Variants in EGFR observed in about 807,000 individuals in gnomAD.
The protein encoded by EGFR is epidermal growth factor receptor.
EGFR carries 58 observed loss-of-function variants against 143.0 expected under a neutral mutation model. The ratio of observed to expected loss-of-function variants is 0.41; its 90% CI spans 0.33 to 0.50. The LOEUF (loss-of-function observed/expected upper bound fraction) is 0.50, where lower values mean the gene tolerates loss of function less well. Ranked by LOEUF, EGFR falls within the 20% of genes least tolerant of loss-of-function variation. The pLI is 0.39. For missense variants in EGFR, 1,307 were observed against 1,579.0 expected, an observed-to-expected ratio of 0.83 and a Z score of 2.92; for synonymous variants, 613 against 594.4, an observed-to-expected ratio of 1.03 and a Z score of -0.45.
Position 55,156,792 on chromosome 7 carries a change from A to G in EGFR, c.1167A>G (p.Pro389=), listed in dbSNP as rs777959179. 14 of 1,614,122 alleles carry G rather than the reference A, an allele frequency of 8.7e-6. No individual in the cohort carries two copies. Among genetic ancestry groups the G allele is most frequent in the Admixed American group, 1.7e-5 (1 of 60,010 alleles). ...TCACACATACTCCTCCTCTGGATCCACAGGAACTGGATATTCTGAAAACCG... is the reference window on the plus strand; with the variant it reads ...TCACACATACTCCTCCTCTGGATCCGCAGGAACTGGATATTCTGAAAACCG... ...DSFTHTPPLD[P]QELDILKTVK... is the part of the protein sequence containing the mutation. The change falls in exon 10 of 28, where the codon CCA becomes CCG. Residue 389 remains proline, a synonymous_variant. Coordinates refer to ENST00000275493, the MANE Select transcript of EGFR (RefSeq NM_005228.5).
intron 1 of EGFR, among the ~76,000 whole-genome samples, chr7:55,030,919 GCAGTGAGTAGATCTCT>G (rs1787209188): frequency 6.6e-6 from 1 of 152,218 alleles, no homozygotes; most frequent in Non-Finnish European, 1.5e-5. Context: ...GGAGAGTGCG[GCAGTGAGTAGATCTCT>G]CAGTGACGGT....
At chr7:55,177,063 T>A (rs1786630487) in intron 19 of EGFR, among the ~76,000 whole-genome samples, 1 of 152,008 alleles carries the variant, frequency 6.6e-6, no homozygotes, top group Non-Finnish European at 1.5e-5. Context: ...TTTTATTTCC[T>A]TGCCCCATGT....
chr7:55,191,696 C>G (rs2128964290), intron 20 of EGFR, 23 bp from the exon 21 acceptor site: 1 of 1,613,424 alleles, frequency 6.2e-7, no homozygotes, highest in South Asian at 1.1e-5. Flanking sequence ...CTGTCCCTCA[C>G]AGCAGGGTCT....
intron 1 of EGFR, among the ~76,000 whole-genome samples, chr7:55,068,498 C>T (rs879891989): frequency 2.1e-4 from 32 of 152,102 alleles, no homozygotes; most frequent in Non-Finnish European, 4.7e-4. Context: ...AGAGTGAGCC[C>T]CAGAACAAGG....
At chr7:55,195,721 T>TA (rs1787587355) in intron 22 of EGFR, among the ~76,000 whole-genome samples, 1 of 152,164 alleles carries the variant, frequency 6.6e-6, no homozygotes, top group African/African-American at 2.4e-5. Flanking sequence ...CCTCTAAGTG[T>TA]CCATGTGTTC....
In EGFR at chr7:55,154,152, C is replaced by A. The variant is rs751667358; in HGVS notation, c.889C>A (p.Arg297Ser). Residue 297 changes from arginine (R) to serine (S), a missense_variant and splice_region_variant, in exon 7 of 28, where the codon CGT becomes AGT. Arg to Ser is a moderately radical substitution (Grantham distance 110). This residue lies in a region of EGFR where 311 missense variants were observed against 412.3 expected (regional missense o/e 0.75). Transcript: ENST00000275493. The stretch of plus-strand genomic sequence containing the variant: ...TGCCACCTGCGTGAAGAAGTGTCCC[C>A]GTGAGTCCTCCTCTGTGGGCCCTCT... Reference protein sequence around the residue: ...FGATCVKKCPRNYVVTDHGSC... With the variant: ...FGATCVKKCPSNYVVTDHGSC... The A allele has an allele frequency of 6.2e-7, 1 of 1,614,234 alleles. No individual in the cohort carries two copies. Among genetic ancestry groups the A allele is most frequent in the Non-Finnish European group, 8.5e-7 (1 of 1,180,042 alleles).
At chr7:55,094,701 T>G (rs1224045282) in intron 1 of EGFR, among the ~76,000 whole-genome samples, 3 of 152,214 alleles carry the variant, frequency 2.0e-5, no homozygotes, top group Admixed American at 6.5e-5. Context: ...CAGATCCACT[T>G]TGAGAGAAGT....
chr7:55,030,202 C>T (rs1405925332), intron 1 of EGFR, among the ~76,000 whole-genome samples: 4 of 151,954 alleles, frequency 2.6e-5, no homozygotes, highest in East Asian at 1.9e-4. Context: ...TCCTTCAAGA[C>T]GTCATTGGGT....
intron 1 of EGFR, among the ~76,000 whole-genome samples, chr7:55,055,895 C>A (rs1788784543): frequency 1.3e-5 from 2 of 152,120 alleles, no homozygotes; most frequent in South Asian, 2.1e-4. Flanking sequence ...GCCATGTTCA[C>A]CACAGTGCTC....
intron 1 of EGFR, among the ~76,000 whole-genome samples, chr7:55,025,519 A>G (rs192149426): frequency 6.6e-6 from 1 of 152,320 alleles, no homozygotes; most frequent in East Asian, 1.9e-4. Context: ...GGAGGGTCCA[A>G]TATCAATATT....
At chr7:55,076,822 G>A (rs904655021) in intron 1 of EGFR, among the ~76,000 whole-genome samples, 9 of 151,882 alleles carry the variant, frequency 5.9e-5, no homozygotes, top group Non-Finnish European at 7.4e-5. Flanking sequence ...CTGACCACCC[G>A]CTTATCTATT....
intron 19 of EGFR, chr7:55,180,754 G>A: frequency 5.6e-6 from 1 of 179,744 alleles, no homozygotes; most frequent in Non-Finnish European, 1.2e-5. Flanking sequence ...CCTGGCCTGT[G>A]GGGAAGGGAG....
Position 55,174,719 on chromosome 7 carries a change from T to C in EGFR, c.2185-3T>C, listed in dbSNP as rs930997590. The C allele has an allele frequency of 8.7e-6, 14 of 1,612,028 alleles. No individual in the cohort carries two copies. The highest frequency in any genetic ancestry group is 4.0e-5 in the African/African-American group (3 of 74,870). Reference sequence around the variant, plus strand: ...TAACGTCTTCCTTCTCTCTCTGTCATAGGGACTCTGGATCCCAGAAGGTGA... The same window carrying C: ...TAACGTCTTCCTTCTCTCTCTGTCACAGGGACTCTGGATCCCAGAAGGTGA... On this transcript the variant is annotated splice_polypyrimidine_tract_variant and splice_region_variant and intron_variant, in intron 18 of 27. Transcript: ENST00000275493.
chr7:55,086,697 G>A (rs1170988832), intron 1 of EGFR, among the ~76,000 whole-genome samples: 3 of 152,232 alleles, frequency 2.0e-5, no homozygotes, highest in Non-Finnish European at 4.4e-5. Context: ...CGCTGTGGAG[G>A]CGGCACACTT....
At chr7:55,167,696 C>T (rs990771304) in intron 15 of EGFR, among the ~76,000 whole-genome samples, 3 of 144,842 alleles carry the variant, frequency 2.1e-5, no homozygotes, top group Admixed American at 6.8e-5. Context: ...ACGGTGGTGG[C>T]GATGATGGTG....
intron 11 of EGFR, 77 bp from the exon 12 acceptor site, chr7:55,160,062 T>A: frequency 1.3e-6 from 2 of 1,497,626 alleles, no homozygotes; most frequent in Non-Finnish European, 1.8e-6. Flanking sequence ...TCAAAGGTGG[T>A]CTGGAGAAAC....
At chr7:55,132,514 A>C (rs1011166469) in intron 1 of EGFR, among the ~76,000 whole-genome samples, 1 of 152,250 alleles carries the variant, frequency 6.6e-6, no homozygotes, top group African/African-American at 2.4e-5. Flanking sequence ...TGGTGGGACT[A>C]TGTATTTTAC....
chr7:55,119,937 A>G (rs1793097821), intron 1 of EGFR, among the ~76,000 whole-genome samples: 1 of 152,238 alleles, frequency 6.6e-6, no homozygotes, highest in African/African-American at 2.4e-5. Flanking sequence ...GCATTTTTGC[A>G]AAGTCCTGGG....
chr7:55,034,088 C>T (rs561912789), intron 1 of EGFR, among the ~76,000 whole-genome samples: 2 of 152,298 alleles, frequency 1.3e-5, no homozygotes, highest in South Asian at 4.2e-4. Flanking sequence ...TTCATGGTTC[C>T]CCAGGTGCCT....
Sources: gnomAD v4.1 joint callset for allele counts (sites outside exome capture counted in the v4.1 genomes callset) on GRCh38, gnomAD v4.1.1 for gene constraint, gnomAD v4.1.1 regional missense constraint, MANE v1.5 for transcripts, NCBI Gene and HGNC (gene_info 2026-07-23, HGNC 2026-07-21) for gene names.